Variants in PEBP4 observed in about 807,000 individuals in gnomAD.
PEBP4 encodes phosphatidylethanolamine binding protein 4.
In PEBP4, 22 loss-of-function variants were observed where a neutral mutation model predicts 23.9. The observed-to-expected ratio is 0.92, with a 90% CI of 0.66 to 1.31. The LOEUF (loss-of-function observed/expected upper bound fraction) is 1.31. Among genes scored for constraint, PEBP4 ranks in the 40% most tolerant of loss-of-function variants. The pLI is 0.00. For synonymous variants in PEBP4, 112 were observed against 99.3 expected, an observed-to-expected ratio of 1.13 and a Z score of -0.76; for missense variants, 324 against 281.7, an observed-to-expected ratio of 1.15 and a Z score of -1.07.
chr8:22,816,974 A>G (rs1398777090), intron 4 of PEBP4, among the ~76,000 whole-genome samples: 1 of 152,240 alleles, frequency 6.6e-6, no homozygotes, highest in Non-Finnish European at 1.5e-5. Context: ...TTCAACTCAG[A>G]GTATCCAAAA....
At chr8:22,832,077 G>T (rs977415709) in intron 3 of PEBP4, among the ~76,000 whole-genome samples, 1 of 152,128 alleles carries the variant, frequency 6.6e-6, no homozygotes, top group African/African-American at 2.4e-5. Flanking sequence ...GGCCAGTGGG[G>T]GCTAGCAGAC....
At chr8:22,935,116 T>C (rs1809516489) in intron 1 of PEBP4, among the ~76,000 whole-genome samples, 1 of 152,136 alleles carries the variant, frequency 6.6e-6, no homozygotes, top group Non-Finnish European at 1.5e-5. Flanking sequence ...TATATAAGCA[T>C]ACAAGGATAG....
chr8:22,763,014 T>A (rs893676086), intron 4 of PEBP4, among the ~76,000 whole-genome samples: 5 of 152,186 alleles, frequency 3.3e-5, no homozygotes, highest in African/African-American at 1.2e-4. Flanking sequence ...AGAAGTCTTT[T>A]TTTTTTTTGA....
intron 3 of PEBP4, among the ~76,000 whole-genome samples, chr8:22,850,645 G>T (rs555391446): frequency 1.3e-5 from 2 of 152,338 alleles, no homozygotes; most frequent in South Asian, 4.1e-4. Context: ...CCTGCCATTT[G>T]TGACTTCTAG....
chr8:22,742,131 C>T lies in PEBP4; in HGVS notation c.358-14911G>A, dbSNP rs533045099. On this transcript the variant is annotated intron_variant, in intron 4 of 6. Transcript: ENST00000256404. ...TGGGATTCTAGGACACCAGGCCCAC[C>T]CCTAGGCTGTGCCATGGGAAGCTAA... Among the ~76,000 whole-genome samples, 9 of 152,322 alleles carry T rather than the reference C, an allele frequency of 5.9e-5. No individual in the cohort carries two copies. The South Asian group carries it at 1.9e-3, about 32-fold the overall frequency.
chr8:22,740,675 C>A (rs1271300178), intron 4 of PEBP4, among the ~76,000 whole-genome samples: 1 of 152,150 alleles, frequency 6.6e-6, no homozygotes, highest in Non-Finnish European at 1.5e-5. Context: ...CTTTCCTGTT[C>A]CTTCTGGAGA....
upstream of PEBP4, among the ~76,000 whole-genome samples, chr8:22,932,850 C>T (rs1179347214): frequency 6.6e-6 from 1 of 151,938 alleles, no homozygotes; most frequent in Non-Finnish European, 1.5e-5. Flanking sequence ...ACTAAAAATA[C>T]AAAAATTAGC....
intron 4 of PEBP4, among the ~76,000 whole-genome samples, chr8:22,811,310 C>G (rs1319924906): frequency 1.3e-5 from 2 of 152,210 alleles, no homozygotes; most frequent in Non-Finnish European, 2.9e-5. Flanking sequence ...CCTCAGCATA[C>G]GAGAGCTAAT....
intron 3 of PEBP4, among the ~76,000 whole-genome samples, chr8:22,875,329 A>T (rs558243423): frequency 2.7e-4 from 41 of 151,832 alleles, no homozygotes; most frequent in African/African-American, 9.9e-4. Flanking sequence ...TTCTTTTTTT[A>T]ACTTTTATGT....
chr8:22,923,698 C>A (rs979921468), intron 2 of PEBP4, among the ~76,000 whole-genome samples: 1 of 152,046 alleles, frequency 6.6e-6, no homozygotes. Context: ...ATTTAATCCT[C>A]AATATGATGG....
At chr8:22,794,971 T>C (rs917397210) in intron 4 of PEBP4, among the ~76,000 whole-genome samples, 1 of 151,776 alleles carries the variant, frequency 6.6e-6, no homozygotes, top group African/African-American at 2.4e-5. Flanking sequence ...CTAAACCATT[T>C]ATGGAATAAT....
At chr8:22,905,916 T>C (rs1322703433) in intron 3 of PEBP4, among the ~76,000 whole-genome samples, 1 of 152,182 alleles carries the variant, frequency 6.6e-6, no homozygotes, top group Non-Finnish European at 1.5e-5. Flanking sequence ...GAGCGCCAGA[T>C]GTATGGAAAG....
At chr8:22,832,531 T>A (rs13248373) in intron 3 of PEBP4, among the ~76,000 whole-genome samples, 3,609 of 152,276 alleles carry the variant, frequency 0.024, 60 homozygotes, top group Admixed American at 0.034. Context: ...TATAGCAACC[T>A]GACCTAAGAT....
At chr8:22,936,529 A>G (rs1402488100) in intron 1 of PEBP4, among the ~76,000 whole-genome samples, 1 of 152,186 alleles carries the variant, frequency 6.6e-6, no homozygotes, top group African/African-American at 2.4e-5. Flanking sequence ...CCAAACATTT[A>G]AAGAAGAATG....
intron 3 of PEBP4, among the ~76,000 whole-genome samples, chr8:22,835,418 G>C (rs948101896): frequency 1.3e-4 from 20 of 152,300 alleles, no homozygotes; most frequent in African/African-American, 4.6e-4. Flanking sequence ...TGGAGCCAGA[G>C]AGACTGAGCT....
upstream of PEBP4, chr8:22,927,941 T>C: frequency 1.9e-6 from 1 of 520,120 alleles, no homozygotes; most frequent in Non-Finnish European, 3.4e-6. Flanking sequence ...GGACTCAATG[T>C]ACGTTCCTGG....
At chr8:22,882,865 T>C (rs62495023) in intron 3 of PEBP4, among the ~76,000 whole-genome samples, 17,494 of 152,180 alleles carry the variant, frequency 0.11, 1,225 homozygotes, top group East Asian at 0.22. Context: ...ACAGTCCTTA[T>C]ACCCAGAGCC....
At chr8:22,897,437 C>A (rs1450001821) in intron 3 of PEBP4, among the ~76,000 whole-genome samples, 1 of 152,114 alleles carries the variant, frequency 6.6e-6, no homozygotes, top group African/African-American at 2.4e-5. Context: ...AAAAACAAAC[C>A]CTTTCATCGT....
chr8:22,784,898 G>A (rs541839172), intron 4 of PEBP4, among the ~76,000 whole-genome samples: 46 of 152,330 alleles, frequency 3.0e-4, no homozygotes, highest in African/African-American at 9.6e-4. Flanking sequence ...GCAGCGAGCC[G>A]GAGGGGGGAC....
Sources: allele counts gnomAD v4.1 joint callset (sites outside exome capture counted in the v4.1 genomes callset), GRCh38; gene constraint gnomAD v4.1.1; transcripts MANE v1.5; gene names NCBI Gene and HGNC (gene_info 2026-07-23, HGNC 2026-07-21).